Variants in CHCHD6 observed in about 807,000 individuals in gnomAD.
The protein encoded by CHCHD6 is MICOS complex subunit MIC25.
In CHCHD6, 28 loss-of-function variants were observed where a neutral mutation model predicts 32.3. The observed-to-expected ratio is 0.87, with a 90% confidence interval of 0.64 to 1.19. The LOEUF is 1.19. Ranked by LOEUF, CHCHD6 falls within the 50% of genes most tolerant of loss-of-function variation. The pLI is 0.00. For synonymous variants in CHCHD6, 122 were observed against 117.5 expected (o/e 1.04, Z -0.25); for missense variants, 333 against 307.0 (o/e 1.08, Z -0.63).
intron 4 of CHCHD6, among the ~76,000 whole-genome samples, chr3:126,793,634 ATTG>A (rs1441620281): frequency 6.6e-6 from 1 of 152,182 alleles, no homozygotes. Flanking sequence ...CAAGAGAGGC[ATTG>A]TTGTATTTAC....
At chr3:126,821,361 A>G (rs773926794) in intron 4 of CHCHD6, among the ~76,000 whole-genome samples, 111 of 152,212 alleles carry the variant, frequency 7.3e-4, no homozygotes, top group Non-Finnish European at 1.4e-3. Context: ...CAGTGGCACA[A>G]TCTTGGCTCA....
At chr3:126,835,742 T>G (rs1009558254) in intron 4 of CHCHD6, among the ~76,000 whole-genome samples, 4 of 152,208 alleles carry the variant, frequency 2.6e-5, no homozygotes, top group Non-Finnish European at 4.4e-5. Flanking sequence ...GCCTGCAGAT[T>G]TAGAAGCATG....
In CHCHD6 at chr3:126,758,860, C is replaced by T. The variant is rs182528597; in HGVS notation, c.411+25638C>T. On this transcript the variant is annotated intron_variant, in intron 4 of 7. Transcript: ENST00000290913. ...AAAGCCACCCTTTCTGTCTACCCTGCGTCACTTATGTTGTAATAGAAGCTC... is the reference window on the plus strand; with the variant it reads ...AAAGCCACCCTTTCTGTCTACCCTGTGTCACTTATGTTGTAATAGAAGCTC... Among the ~76,000 whole-genome samples the T allele has an allele frequency of 4.1e-3, 619 of 152,312 alleles. 2 individuals carry two copies. Among genetic ancestry groups the T allele is most frequent in the Non-Finnish European group, 7.0e-3 (478 of 68,034 alleles).
intron 4 of CHCHD6, among the ~76,000 whole-genome samples, chr3:126,760,340 A>G (rs552903786): frequency 6.6e-6 from 1 of 152,334 alleles, no homozygotes; most frequent in East Asian, 1.9e-4. Context: ...GTGGTAAAAT[A>G]TATATAAAAT....
At chr3:126,820,121 G>A (rs568664381) in intron 4 of CHCHD6, among the ~76,000 whole-genome samples, 64 of 152,284 alleles carry the variant, frequency 4.2e-4, no homozygotes, top group African/African-American at 1.5e-3. Context: ...CCAGGAAACT[G>A]CCCATCTCCA....
intron 1 of CHCHD6, among the ~76,000 whole-genome samples, chr3:126,726,116 C>A (rs1203296853): frequency 6.6e-6 from 1 of 152,228 alleles, no homozygotes; most frequent in Non-Finnish European, 1.5e-5. Context: ...GACATGCCTT[C>A]CTCACTAAGC....
At chr3:126,809,399 C>T (rs114163702) in intron 4 of CHCHD6, among the ~76,000 whole-genome samples, 4 of 152,174 alleles carry the variant, frequency 2.6e-5, no homozygotes, top group African/African-American at 9.7e-5. Flanking sequence ...CAAAGACATG[C>T]TCAGGATGTT....
At chr3:126,765,854 C>T (rs1450008147) in intron 4 of CHCHD6, among the ~76,000 whole-genome samples, 1 of 152,188 alleles carries the variant, frequency 6.6e-6, no homozygotes, top group Non-Finnish European at 1.5e-5. Flanking sequence ...GGGGACACTG[C>T]AGATTATAGG....
Position 126,733,198 on chromosome 3 carries a change from T to C in CHCHD6, c.387T>C (p.His129=), listed in dbSNP as rs151218463. Residue 129 remains histidine, a synonymous_variant, in exon 4 of 8, where the codon CAT becomes CAC. Transcript: ENST00000290913. ...CCACGGGCGAAGGCAGCATCAGCCA[T>C]GAGGAGCAGAAGTCAGTCCGGCTGG... ...SLPTGEGSIS[H]EEQKSVRLAR... 139 of 1,614,080 alleles carry C rather than the reference T, an allele frequency of 8.6e-5. No individual in the cohort carries two copies. The African/African-American group carries it at 1.7e-3, about 20-fold the overall frequency.
intron 5 of CHCHD6, among the ~76,000 whole-genome samples, chr3:126,903,874 TC>T (rs769094306): frequency 2.0e-5 from 3 of 152,164 alleles, no homozygotes; most frequent in Non-Finnish European, 2.9e-5. Flanking sequence ...CTCTCTACCT[TC>T]CTTTCTGCTT....
intron 4 of CHCHD6, among the ~76,000 whole-genome samples, chr3:126,785,120 G>C (rs1438152951): frequency 6.6e-6 from 1 of 152,090 alleles, no homozygotes; most frequent in Non-Finnish European, 1.5e-5. Context: ...GAGTTTCTCA[G>C]CCTCAGCTCT....
intron 2 of CHCHD6, among the ~76,000 whole-genome samples, chr3:126,728,552 T>G (rs1354582587): frequency 6.6e-6 from 1 of 152,142 alleles, no homozygotes; most frequent in Non-Finnish European, 1.5e-5. Context: ...CAAGAAGCCC[T>G]TGTCCTTTAC....
intron 6 of CHCHD6, among the ~76,000 whole-genome samples, chr3:126,942,826 A>G (rs1359505151): frequency 6.6e-6 from 1 of 152,116 alleles, no homozygotes; most frequent in Non-Finnish European, 1.5e-5. Flanking sequence ...GCTGGGAAAC[A>G]TGGATGTGTG....
chr3:126,770,857 G>T (rs914921546), intron 4 of CHCHD6, among the ~76,000 whole-genome samples: 7 of 152,296 alleles, frequency 4.6e-5, no homozygotes, highest in Non-Finnish European at 2.9e-5. Flanking sequence ...GAGTTGTGGA[G>T]AAGTCCCTCC....
At chr3:126,878,194 T>C (rs879898235) in intron 5 of CHCHD6, among the ~76,000 whole-genome samples, 3 of 152,190 alleles carry the variant, frequency 2.0e-5, no homozygotes, top group Non-Finnish European at 4.4e-5. Context: ...TTTAAAGAAG[T>C]CTATTTTTCC....
intron 4 of CHCHD6, among the ~76,000 whole-genome samples, chr3:126,786,588 G>A (rs992313493): frequency 1.3e-5 from 2 of 152,118 alleles, no homozygotes; most frequent in Non-Finnish European, 2.9e-5. Flanking sequence ...GTGATGATGA[G>A]CATTTTTTCA....
intron 5 of CHCHD6, among the ~76,000 whole-genome samples, chr3:126,868,447 T>TA (rs201326084): frequency 3.9e-4 from 57 of 146,954 alleles, no homozygotes; most frequent in African/African-American, 7.5e-4. Flanking sequence ...CTTTTTTTTT[T>TA]AAAAAAAAAA....
intron 6 of CHCHD6, among the ~76,000 whole-genome samples, chr3:126,944,674 C>G (rs964508886): frequency 6.6e-6 from 1 of 152,188 alleles, no homozygotes. Context: ...CCACATAGGA[C>G]TACACAGACG....
chr3:126,808,076 C>T (rs1939495410), intron 4 of CHCHD6, among the ~76,000 whole-genome samples: 1 of 152,202 alleles, frequency 6.6e-6, no homozygotes, highest in Non-Finnish European at 1.5e-5. Context: ...TTGGATCATG[C>T]AAACAGTTTC....
Sources: allele counts gnomAD v4.1 joint callset (sites outside exome capture counted in the v4.1 genomes callset), GRCh38; gene constraint gnomAD v4.1.1; transcripts MANE v1.5; gene names NCBI Gene and HGNC (gene_info 2026-07-23, HGNC 2026-07-21).